The following PAK3 variants were observed in gnomAD, a reference collection of about 807,000 sequenced individuals.
PAK3 encodes the protein p21 (RAC1) activated kinase 3, also known as serine/threonine-protein kinase PAK 3.
PAK3 carries 4 observed loss-of-function variants against 41.0 expected under a neutral mutation model. The ratio of observed to expected loss-of-function variants is 0.10; its 90% confidence interval spans 0.05 to 0.22. PAK3 has a LOEUF of 0.22. Ranked by LOEUF, PAK3 falls within the 10% of genes least tolerant of loss-of-function variation. The probability of loss-of-function intolerance (pLI) is 1.00; values close to 1 mark genes in which losing one functional copy is unlikely to be tolerated. For synonymous variants in PAK3, 146 were observed against 139.6 expected, an observed-to-expected ratio of 1.05 and a Z score of -0.32; for missense variants, 205 against 409.9, an observed-to-expected ratio of 0.50 and a Z score of 4.32.
At chrX:111,128,262 C>A (rs1281243291) in intron 5 of PAK3, among the ~76,000 whole-genome samples, 1 of 111,872 alleles carries the variant, frequency 8.9e-6, no homozygotes, top group Non-Finnish European at 1.9e-5. Context: ...AGTTCATGTG[C>A]ATTTTATTTG....
chrX:111,207,143 TA>T (rs1265287377), intron 16 of PAK3, among the ~76,000 whole-genome samples: 1 of 108,253 alleles, frequency 9.2e-6, no homozygotes, highest in African/African-American at 3.4e-5. Context: ...TATGTGTGTA[TA>T]TATACATATA....
At chrX:111,016,167 A>T (rs1045964012) in intron 1 of PAK3, among the ~76,000 whole-genome samples, 2 of 112,531 alleles carry the variant, frequency 1.8e-5, no homozygotes, top group Non-Finnish European at 3.8e-5. Context: ...TATGCACATT[A>T]ACCTATTATC....
At chrX:111,080,236 G>A (rs979399435) in intron 1 of PAK3, among the ~76,000 whole-genome samples, 4 of 111,456 alleles carry the variant, frequency 3.6e-5, no homozygotes, top group Non-Finnish European at 7.5e-5. Context: ...TTCACGAAAG[G>A]AAGAGCCCAT....
At chrX:111,101,720 G>C (rs748691679) in intron 3 of PAK3, among the ~76,000 whole-genome samples, 36 of 111,800 alleles carry the variant, frequency 3.2e-4, no homozygotes, top group African/African-American at 1.1e-3. Flanking sequence ...CCCTCTTGCA[G>C]GGTGAGCTCA....
chrX:111,146,317 G>A (rs939018870), intron 6 of PAK3, among the ~76,000 whole-genome samples: 2 of 111,286 alleles, frequency 1.8e-5, no homozygotes, highest in African/African-American at 3.3e-5. Flanking sequence ...TTGAAGCATC[G>A]TCGTTCTCTC....
At chrX:111,087,708 G>A (rs1373137786) in intron 1 of PAK3, among the ~76,000 whole-genome samples, 1 of 100,341 alleles carries the variant, frequency 1.0e-5, no homozygotes, top group African/African-American at 3.8e-5. Flanking sequence ...AAAAGGGGAT[G>A]TTCATTACCA....
intron 16 of PAK3, among the ~76,000 whole-genome samples, chrX:111,207,883 C>T (rs2094771896): frequency 8.9e-6 from 1 of 112,297 alleles, no homozygotes; most frequent in African/African-American, 3.2e-5. Context: ...CAACCTCCAA[C>T]CCCCAGGTTC....
At chrX:111,137,987 C>T (rs1394839842) in intron 5 of PAK3, among the ~76,000 whole-genome samples, 1 of 110,361 alleles carries the variant, frequency 9.1e-6, no homozygotes, top group Non-Finnish European at 1.9e-5. Context: ...AAAAGAAAAA[C>T]TGGTTTTCAT....
At chrX:111,035,160 A>AAAGG (rs1291706604) in intron 1 of PAK3, among the ~76,000 whole-genome samples, 3 of 13,170 alleles carry the variant, frequency 2.3e-4, no homozygotes, top group African/African-American at 2.9e-4. Context: ...AGAAAGGAAG[A>AAAGG]AAGAAAGAAA....
At chrX:111,111,839 G>T (rs765360717) in intron 4 of PAK3, among the ~76,000 whole-genome samples, 1 of 111,385 alleles carries the variant, frequency 9.0e-6, no homozygotes, top group Non-Finnish European at 1.9e-5. Context: ...ATTTCCATTT[G>T]GGGTCCTGAG....
At chrX:111,074,635 G>A (rs938770621) in intron 1 of PAK3, among the ~76,000 whole-genome samples, 4 of 112,119 alleles carry the variant, frequency 3.6e-5, no homozygotes, top group African/African-American at 1.3e-4. Flanking sequence ...TGATACCAAG[G>A]AGTTGCTGTA....
intron 4 of PAK3, among the ~76,000 whole-genome samples, chrX:111,106,310 C>A (rs2093263584): frequency 8.9e-6 from 1 of 112,249 alleles, no homozygotes; most frequent in Non-Finnish European, 1.9e-5. Flanking sequence ...ACCACACTGA[C>A]ATACACAATT....
chrX:111,207,680 T>G (rs1040856539), intron 16 of PAK3, among the ~76,000 whole-genome samples: 1 of 112,224 alleles, frequency 8.9e-6, no homozygotes, highest in Non-Finnish European at 1.9e-5. Context: ...TTATTGCCCC[T>G]AAAGTCCTTC....
chrX:110,973,343 C>A (rs2091253430), intron 1 of PAK3, among the ~76,000 whole-genome samples: 1 of 112,039 alleles, frequency 8.9e-6, no homozygotes, highest in Non-Finnish European at 1.9e-5. Flanking sequence ...AAAGGGAAAC[C>A]CATCAGACTA....
intron 1 of PAK3, among the ~76,000 whole-genome samples, chrX:111,057,472 A>C (rs771315743): frequency 8.9e-6 from 1 of 111,806 alleles, no homozygotes; most frequent in South Asian, 3.8e-4. Flanking sequence ...AGCCTCTAAA[A>C]ATAAGGACAT....
chrX:111,151,342 C>A (rs907920884), intron 7 of PAK3, among the ~76,000 whole-genome samples: 1 of 112,453 alleles, frequency 8.9e-6, no homozygotes, highest in Non-Finnish European at 1.9e-5. Context: ...TGCCAAATTT[C>A]TCTCAACTTA....
chrX:110,991,498 G>C (rs1443843340), intron 1 of PAK3, among the ~76,000 whole-genome samples: 1 of 111,546 alleles, frequency 9.0e-6, no homozygotes, highest in Non-Finnish European at 1.9e-5. Flanking sequence ...GGGAATGACA[G>C]TAGTGCCAAC....
intron 1 of PAK3, among the ~76,000 whole-genome samples, chrX:111,044,309 T>C (rs1301343464): frequency 8.9e-6 from 1 of 112,230 alleles, no homozygotes; most frequent in African/African-American, 3.2e-5. Flanking sequence ...CCCCTACTTA[T>C]GCCAAATGCT....
intron 1 of PAK3, among the ~76,000 whole-genome samples, chrX:110,993,208 G>A (rs1459087595): frequency 9.0e-6 from 1 of 111,695 alleles, no homozygotes; most frequent in Non-Finnish European, 1.9e-5. Context: ...CTGTTGGCTC[G>A]AATTGTGCTT....
Sources: gnomAD v4.1 joint callset for allele counts (sites outside exome capture counted in the v4.1 genomes callset) on GRCh38, gnomAD v4.1.1 for gene constraint, MANE v1.5 for transcripts, NCBI Gene and HGNC (gene_info 2026-07-23, HGNC 2026-07-21) for gene names.